C1orf21: variants seen among roughly 807,000 people sequenced by gnomAD.
The protein encoded by C1orf21 is chromosome 1 open reading frame 21, also known as uncharacterized protein C1orf21.
C1orf21 carries 3 observed loss-of-function variants against 18.7 expected under a neutral mutation model. The observed-to-expected ratio is 0.16, with a 90% confidence interval of 0.07 to 0.42. C1orf21 has a LOEUF of 0.42. Ranked by LOEUF, C1orf21 falls within the 10% of genes least tolerant of loss-of-function variation. C1orf21 has a pLI of 0.99. For missense variants in C1orf21, 104 were observed against 143.6 expected (o/e 0.72, Z 1.41); for synonymous variants, 41 against 46.4 (o/e 0.88, Z 0.47).
intron 3 of C1orf21, among the ~76,000 whole-genome samples, chr1:184,548,315 G>C (rs1427832668): frequency 1.3e-5 from 2 of 151,724 alleles, no homozygotes; most frequent in Admixed American, 6.6e-5. Flanking sequence ...GGCCCTGAAA[G>C]AGGAAGTGAA....
intron 5 of C1orf21, among the ~76,000 whole-genome samples, chr1:184,609,271 C>G (rs1030699735): frequency 6.6e-6 from 1 of 152,174 alleles, no homozygotes; most frequent in Admixed American, 6.5e-5. Flanking sequence ...GGGGACCTAC[C>G]AAGTTCTCTA....
intron 1 of C1orf21, among the ~76,000 whole-genome samples, chr1:184,411,546 C>T (rs987684871): frequency 1.8e-4 from 27 of 151,484 alleles, no homozygotes; most frequent in African/African-American, 6.3e-4. Flanking sequence ...CTCAGCCTCC[C>T]GAGTAGCTGG....
intron 1 of C1orf21, among the ~76,000 whole-genome samples, chr1:184,392,688 C>G (rs1260280534): frequency 2.0e-5 from 3 of 152,138 alleles, no homozygotes; most frequent in Admixed American, 2.0e-4. Flanking sequence ...CCCCCTATAC[C>G]TGTTCTGTCT....
intron 3 of C1orf21, among the ~76,000 whole-genome samples, chr1:184,535,273 T>C (rs989640113): frequency 6.6e-6 from 1 of 152,154 alleles, no homozygotes; most frequent in African/African-American, 2.4e-5. Context: ...ACCAAATGGC[T>C]TTGCATTCTG....
At chr1:184,507,819 G>T in intron 3 of C1orf21, 137 bp downstream of exon 3, 1 of 668,280 alleles carries the variant, frequency 1.5e-6, no homozygotes, top group Non-Finnish European at 2.4e-6. Flanking sequence ...TAGCTTGCCT[G>T]GAAGCTGCAC....
intron 1 of C1orf21, among the ~76,000 whole-genome samples, chr1:184,472,544 G>T (rs1657510045): frequency 6.6e-6 from 1 of 152,074 alleles, no homozygotes; most frequent in South Asian, 2.1e-4. Context: ...ATAATGTTAT[G>T]TAAATAGAAA....
intron 3 of C1orf21, among the ~76,000 whole-genome samples, chr1:184,579,917 A>G (rs777872756): frequency 1.3e-5 from 2 of 152,138 alleles, no homozygotes; most frequent in Admixed American, 1.3e-4. Flanking sequence ...ATGCCTAATG[A>G]TTTCCCATAA....
chr1:184,425,982 T>C (rs1172346100), intron 1 of C1orf21, among the ~76,000 whole-genome samples: 1 of 152,214 alleles, frequency 6.6e-6, no homozygotes, highest in Non-Finnish European at 1.5e-5. Context: ...AGTGATTCAA[T>C]TGGGTCTTTG....
intron 3 of C1orf21, among the ~76,000 whole-genome samples, chr1:184,512,999 C>A (rs1043893155): frequency 4.6e-5 from 7 of 152,198 alleles, no homozygotes; most frequent in Admixed American, 4.6e-4. Context: ...GTGAACTGTG[C>A]AAGTGAGGGA....
intron 1 of C1orf21, among the ~76,000 whole-genome samples, chr1:184,415,399 A>T (rs2101964194): frequency 6.6e-6 from 1 of 152,310 alleles, no homozygotes; most frequent in Admixed American, 6.5e-5. Context: ...TTGAAGCAAC[A>T]GTTCCTGGGT....
chr1:184,482,547 C>A (rs1324969799), intron 2 of C1orf21, among the ~76,000 whole-genome samples: 2 of 152,182 alleles, frequency 1.3e-5, no homozygotes, highest in African/African-American at 2.4e-5. Flanking sequence ...TCAACCTGGA[C>A]AATTATATTC....
intron 1 of C1orf21, among the ~76,000 whole-genome samples, chr1:184,451,986 C>T (rs1657130955): frequency 6.6e-6 from 1 of 152,130 alleles, no homozygotes; most frequent in Non-Finnish European, 1.5e-5. Flanking sequence ...TCCTCAGTCC[C>T]CAATTAATCC....
At chr1:184,585,948 T>C (rs1659346072) in intron 3 of C1orf21, among the ~76,000 whole-genome samples, 1 of 152,204 alleles carries the variant, frequency 6.6e-6, no homozygotes, top group South Asian at 2.1e-4. Context: ...TGTGTCTTTA[T>C]GATAGAACGA....
intron 3 of C1orf21, among the ~76,000 whole-genome samples, chr1:184,555,107 G>T (rs1321929840): frequency 2.0e-5 from 3 of 152,058 alleles, no homozygotes; most frequent in Admixed American, 1.3e-4. Context: ...GCTCTGTCAG[G>T]GCATAAGTTT....
At chr1:184,563,412 A>G (rs1481148017) in intron 3 of C1orf21, among the ~76,000 whole-genome samples, 2 of 152,222 alleles carry the variant, frequency 1.3e-5, no homozygotes, top group Admixed American at 6.5e-5. Context: ...AATGGGTTTT[A>G]ATTAAAAATT....
At chr1:184,523,802 A>G (rs1224864749) in intron 3 of C1orf21, among the ~76,000 whole-genome samples, 3 of 152,196 alleles carry the variant, frequency 2.0e-5, no homozygotes, top group African/African-American at 7.2e-5. Context: ...TGCCATTTGA[A>G]TATGCCATAA....
chr1:184,597,925 A>G (rs779386491), intron 4 of C1orf21, among the ~76,000 whole-genome samples: 18 of 152,172 alleles, frequency 1.2e-4, no homozygotes, highest in Non-Finnish European at 1.9e-4. Flanking sequence ...GTATGTCCTC[A>G]GCTTGTTTGC....
At chr1:184,438,265 A>G (rs1291679656) in intron 1 of C1orf21, among the ~76,000 whole-genome samples, 2 of 150,210 alleles carry the variant, frequency 1.3e-5, no homozygotes, top group East Asian at 3.9e-4. Context: ...TTGCCCTGAA[A>G]GTCTTGAGGA....
chr1:184,551,761 C>T (rs1245551231), intron 3 of C1orf21, among the ~76,000 whole-genome samples: 1 of 152,066 alleles, frequency 6.6e-6, no homozygotes, highest in Non-Finnish European at 1.5e-5. Flanking sequence ...AATCCCAGCA[C>T]TTTTGGAGGC....
Sources: allele counts gnomAD v4.1 joint callset (sites outside exome capture counted in the v4.1 genomes callset), GRCh38; gene constraint gnomAD v4.1.1; transcripts MANE v1.5; gene names NCBI Gene and HGNC (gene_info 2026-07-23, HGNC 2026-07-21).